BCOR: variants seen among roughly 807,000 people sequenced by gnomAD.
BCOR encodes the protein BCL-6 corepressor.
A neutral mutation model predicts 86.7 loss-of-function variants in BCOR; 10 were observed. The ratio of observed to expected loss-of-function variants is 0.12; its 90% CI spans 0.07 to 0.20. The LOEUF (loss-of-function observed/expected upper bound fraction) is 0.20. BCOR is among the 10% of genes least tolerant of loss of function. The pLI is 1.00. For synonymous variants in BCOR, 611 were observed against 609.0 expected, an observed-to-expected ratio of 1.00 and a Z score of -0.05; for missense variants, 1,259 against 1,452.1, an observed-to-expected ratio of 0.87 and a Z score of 2.16.
At chrX:40,107,892 T>C (rs753349240) in intron 1 of BCOR, among the ~76,000 whole-genome samples, 1 of 113,724 alleles carries the variant, frequency 8.8e-6, no homozygotes, top group East Asian at 2.8e-4. Flanking sequence ...TGTGCGTTCA[T>C]ACGCGGGAGG....
Position 40,087,786 on chromosome X carries a change from C to T in BCOR, c.-41+9429G>A, listed in dbSNP as rs755762134. 2.2e-4 allele frequency among the ~76,000 whole-genome samples: 25 copies of T among 112,165 alleles called. No individual in the cohort carries two copies. In the South Asian group the frequency reaches 7.1e-3, roughly 32 times the overall value. ...TTAGAGTCCTGGTGCAAAGCAGGCA[C>T]GCTGTGCTTGTTAAATGCTGTGTAA... On this transcript the variant is annotated intron_variant, in intron 1 of 14. Coordinates refer to ENST00000378444, the MANE Select transcript of BCOR (RefSeq NM_001123385.2).
At chrX:40,105,969 C>T (rs1003403332) in intron 1 of BCOR, among the ~76,000 whole-genome samples, 8 of 113,062 alleles carry the variant, frequency 7.1e-5, no homozygotes, top group Non-Finnish European at 1.3e-4. Context: ...ACACTCATCT[C>T]CCCCTCAGCC....
intron 1 of BCOR, among the ~76,000 whole-genome samples, chrX:40,171,868 A>G (rs1416057763): frequency 8.8e-6 from 1 of 113,032 alleles, no homozygotes. Flanking sequence ...AGGTTCCGGG[A>G]AAGGCGTGTG....
rs1037944185 is a variant in BCOR at position 40,161,293 on chromosome X, G to C, written c.-41+15714C>G. 1.5e-3 allele frequency among the ~76,000 whole-genome samples: 164 copies of C among 107,422 alleles called. 1 individual carries two copies. The highest frequency in any genetic ancestry group is 2.5e-3 in the Non-Finnish European group (130 of 51,968). 93.3% of individuals were successfully genotyped at this position (107,422 alleles called of 115,157 possible). ...GCGATCTTGGCTCACTGCAACCTCC[G>C]CCTGCCAGGTTCAAGCGATTCTCCT... is the stretch of plus-strand genomic sequence containing the variant. On this transcript the variant is annotated intron_variant, in intron 1 of 14. Coordinates refer to the BCOR transcript ENST00000342274.
At chrX:40,176,800 C>T (rs1378304297) in intron 1 of BCOR, among the ~76,000 whole-genome samples, 1 of 112,009 alleles carries the variant, frequency 8.9e-6, no homozygotes, top group Non-Finnish European at 1.9e-5. Context: ...GCCCTTGTCC[C>T]AGCCCGGCTC....
intron 1 of BCOR, among the ~76,000 whole-genome samples, chrX:40,148,834 G>A (rs980817782): frequency 2.3e-4 from 26 of 111,388 alleles, no homozygotes; most frequent in African/African-American, 8.2e-4. Context: ...GTCACAGCGC[G>A]AAGAGTGGTG....
intron 1 of BCOR, among the ~76,000 whole-genome samples, chrX:40,160,426 CTTTTTCTTT>C (rs2148009320): frequency 9.6e-6 from 1 of 104,343 alleles, no homozygotes; most frequent in South Asian, 4.2e-4. Flanking sequence ...GGCCGGATTA[CTTTTTCTTT>C]TTTTTCTTTG....
intron 1 of BCOR, among the ~76,000 whole-genome samples, chrX:40,136,768 G>A (rs1937689388): frequency 8.9e-6 from 1 of 111,789 alleles, no homozygotes; most frequent in African/African-American, 3.3e-5. Context: ...GTTCCTGTGT[G>A]CAGCTCAATG....
chrX:40,135,999 C>T (rs1438199654), intron 1 of BCOR, among the ~76,000 whole-genome samples: 1 of 112,226 alleles, frequency 8.9e-6, no homozygotes, highest in Non-Finnish European at 1.9e-5. Flanking sequence ...CCTGTGTCCA[C>T]ACCTTTTAGA....
intron 1 of BCOR, among the ~76,000 whole-genome samples, chrX:40,136,248 G>A (rs756987208): frequency 2.7e-5 from 3 of 112,467 alleles, no homozygotes; most frequent in Non-Finnish European, 5.6e-5. Flanking sequence ...CACACTTGGA[G>A]TCAAGCCCTG....
At chrX:40,079,359 G>A (rs952218675) in intron 1 of BCOR, among the ~76,000 whole-genome samples, 1 of 112,266 alleles carries the variant, frequency 8.9e-6, no homozygotes, top group African/African-American at 3.2e-5. Flanking sequence ...CACCAGGTCC[G>A]GGGACTCTTC....
At chrX:40,126,640 A>G (rs760265491) in intron 1 of BCOR, among the ~76,000 whole-genome samples, 1 of 111,883 alleles carries the variant, frequency 8.9e-6, no homozygotes, top group Non-Finnish European at 1.9e-5. Flanking sequence ...AGATGGCTTG[A>G]GCCCAAGAGT....
At chrX:40,115,054 G>T (rs766921196) in intron 1 of BCOR, among the ~76,000 whole-genome samples, 1 of 110,025 alleles carries the variant, frequency 9.1e-6, no homozygotes, top group South Asian at 3.9e-4. Context: ...GGGTTTCATT[G>T]TGTTAGCCAG....
intron 1 of BCOR, among the ~76,000 whole-genome samples, chrX:40,094,726 C>T (rs954188280): frequency 2.7e-5 from 3 of 112,502 alleles, no homozygotes; most frequent in African/African-American, 9.7e-5. Context: ...CTCGAGGCGC[C>T]GCACGCAACG....
rs1369721961 is a variant in BCOR at position 40,143,841 on chromosome X, C to T, written c.-41+33166G>A. On this transcript the variant is annotated intron_variant, in intron 1 of 14. Transcript: ENST00000342274. ...CCTGGTGGCGCGTGCCTGGTAATCC[C>T]AGCTACTCGGGAGGCTGACACAGGA... is the stretch of plus-strand genomic sequence containing the variant. 7.1e-5 allele frequency among the ~76,000 whole-genome samples: 8 copies of T among 112,199 alleles called. No individual in the cohort carries two copies. The Admixed American group carries it at 7.5e-4, about 11-fold the overall frequency.
At chrX:40,098,775 C>T (rs1383702988), upstream of BCOR, among the ~76,000 whole-genome samples, 1 of 111,711 alleles carries the variant, frequency 9.0e-6, no homozygotes, top group African/African-American at 3.3e-5. Flanking sequence ...CTGAAAACAC[C>T]ACCCCAGGCA....
intron 1 of BCOR, among the ~76,000 whole-genome samples, chrX:40,144,206 C>T (rs766547722): frequency 3.6e-4 from 40 of 112,024 alleles, no homozygotes; most frequent in African/African-American, 1.2e-3. Context: ...CGTGGCCTGA[C>T]TTTCAATAAA....
intron 1 of BCOR, among the ~76,000 whole-genome samples, chrX:40,125,999 C>G (rs1466775017): frequency 1.9e-5 from 2 of 107,883 alleles, no homozygotes; most frequent in Non-Finnish European, 3.8e-5. Context: ...ATCACGAGGT[C>G]GAGAGATTGA....
chrX:40,107,671 A>G (rs1390565296), intron 1 of BCOR, among the ~76,000 whole-genome samples: 1 of 112,609 alleles, frequency 8.9e-6, no homozygotes, highest in African/African-American at 3.2e-5. Context: ...CGGCGCTGGC[A>G]GGGAGCCACT....
Sources: allele counts gnomAD v4.1 joint callset (sites outside exome capture counted in the v4.1 genomes callset), GRCh38; gene constraint gnomAD v4.1.1; transcripts MANE v1.5; gene names NCBI Gene and HGNC (gene_info 2026-07-23, HGNC 2026-07-21).